Variants in TMTC1 observed in about 807,000 individuals in gnomAD.
TMTC1 encodes protein O-mannosyl-transferase TMTC1.
A neutral mutation model predicts 104.8 loss-of-function variants in TMTC1; 73 were observed. That is an observed-to-expected ratio of 0.70 (90% confidence interval 0.58 to 0.85). TMTC1 has a LOEUF of 0.85. Among genes scored for constraint, TMTC1 ranks in the 40% least tolerant of loss-of-function variants. The pLI, the probability that TMTC1 is intolerant of heterozygous loss-of-function variation, is 0.00. For synonymous variants in TMTC1, 434 were observed against 428.7 expected, an observed-to-expected ratio of 1.01 and a Z score of -0.15; for missense variants, 1,035 against 1,096.1, an observed-to-expected ratio of 0.94 and a Z score of 0.79.
Position 29,572,128 on chromosome 12 carries a change from G to C in TMTC1, c.1509C>G (p.Ile503Met), listed in dbSNP as rs1945695250. The C allele has an allele frequency of 6.2e-7, 1 of 1,613,812 alleles. No individual in the cohort carries two copies. The highest frequency in any genetic ancestry group is 8.5e-7 in the Non-Finnish European group (1 of 1,179,828). The change falls in exon 9 of 18, where the codon ATC (isoleucine) becomes ATG (methionine). Residue 503 changes from isoleucine (I) to methionine (M), a missense_variant. By Grantham distance (10) the Ile-to-Met change is conservative. Transcript: ENST00000539277. ...LKDQGRNKEA[I>M]YHYRTALKLY... ...ACTTGAGAGCTGTTCTGTAGTGGTA[G>C]ATCGCTTCCTTGTTCCGACCTTGGT... is the stretch of plus-strand genomic sequence containing the variant.
chr12:29,693,633 C>T (rs958856874), intron 5 of TMTC1, among the ~76,000 whole-genome samples: 1 of 151,878 alleles, frequency 6.6e-6, no homozygotes, highest in Non-Finnish European at 1.5e-5. Context: ...AAATGCTGTG[C>T]ACTAAAAATG....
chr12:29,765,102 C>T (rs1410788293), intron 2 of TMTC1, among the ~76,000 whole-genome samples: 2 of 152,146 alleles, frequency 1.3e-5, no homozygotes, highest in African/African-American at 4.8e-5. Flanking sequence ...ATTGGCCCAG[C>T]ATCACATATT....
intron 10 of TMTC1, among the ~76,000 whole-genome samples, chr12:29,546,760 T>C (rs960866053): frequency 1.2e-4 from 19 of 152,256 alleles, no homozygotes; most frequent in African/African-American, 4.6e-4. Flanking sequence ...TGAATCAGAC[T>C]AGTCCCAGCT....
At chr12:29,709,957 A>C (rs1941854073) in intron 5 of TMTC1, among the ~76,000 whole-genome samples, 1 of 152,132 alleles carries the variant, frequency 6.6e-6, no homozygotes, top group Non-Finnish European at 1.5e-5. Context: ...TTTGAGAGAA[A>C]ATAAAGCCGA....
At chr12:29,589,823 G>A (rs559675795) in intron 7 of TMTC1, among the ~76,000 whole-genome samples, 29 of 152,274 alleles carry the variant, frequency 1.9e-4, no homozygotes, top group East Asian at 7.7e-4. Flanking sequence ...CAGGGCATGC[G>A]GGCAAGGACA....
intron 5 of TMTC1, among the ~76,000 whole-genome samples, chr12:29,713,638 T>G (rs1289101155): frequency 6.6e-6 from 1 of 152,160 alleles, no homozygotes; most frequent in Non-Finnish European, 1.5e-5. Flanking sequence ...AAACTCACAA[T>G]GAAGTCACAA....
intron 6 of TMTC1, among the ~76,000 whole-genome samples, chr12:29,617,899 A>G (rs1177627991): frequency 1.3e-5 from 2 of 152,224 alleles, no homozygotes; most frequent in Non-Finnish European, 2.9e-5. Context: ...AGGAGCCACC[A>G]GAAGATTATA....
intron 5 of TMTC1, among the ~76,000 whole-genome samples, chr12:29,736,580 C>T (rs544186666): frequency 9.2e-5 from 14 of 152,036 alleles, no homozygotes; most frequent in Admixed American, 2.0e-4. Context: ...CCACCACGCC[C>T]GGCTAATTTT....
At chr12:29,663,534 G>A (rs1038731040) in intron 5 of TMTC1, among the ~76,000 whole-genome samples, 1 of 151,666 alleles carries the variant, frequency 6.6e-6, no homozygotes, top group Non-Finnish European at 1.5e-5. Context: ...TCTTTTTTCT[G>A]AAACAGAGTC....
intron 5 of TMTC1, chr12:29,659,788 C>T: frequency 1.1e-6 from 1 of 922,842 alleles, no homozygotes; most frequent in Non-Finnish European, 1.6e-6. Context: ...AGGATAGACC[C>T]CAATCCTCAA....
chr12:29,614,437 G>A (rs1000053684), intron 6 of TMTC1, among the ~76,000 whole-genome samples: 2 of 152,156 alleles, frequency 1.3e-5, no homozygotes, highest in South Asian at 2.1e-4. Flanking sequence ...ATGGAATAAC[G>A]CTCTTCCTTC....
At chr12:29,665,590 A>T (rs1940245798) in intron 5 of TMTC1, among the ~76,000 whole-genome samples, 1 of 152,232 alleles carries the variant, frequency 6.6e-6, no homozygotes, top group African/African-American at 2.4e-5. Context: ...TTATAAATCA[A>T]TGACCTTTGT....
intron 5 of TMTC1, chr12:29,659,841 TAATA>T (rs1323851431): frequency 1.4e-6 from 2 of 1,441,668 alleles, no homozygotes; most frequent in South Asian, 2.6e-5. Flanking sequence ...CAAAATTATC[TAATA>T]AATACCAAGT....
intron 5 of TMTC1, among the ~76,000 whole-genome samples, chr12:29,735,216 T>C (rs1223651775): frequency 6.6e-6 from 1 of 152,212 alleles, no homozygotes; most frequent in Non-Finnish European, 1.5e-5. Context: ...TTAAAGTTAT[T>C]AGATTTCCCA....
chr12:29,745,263 G>A (rs951221038), intron 5 of TMTC1, among the ~76,000 whole-genome samples: 3 of 152,056 alleles, frequency 2.0e-5, no homozygotes, highest in Non-Finnish European at 2.9e-5. Context: ...CACCAAGTGT[G>A]CCTGTAGTCC....
chr12:29,766,503 T>C (rs932655265), intron 2 of TMTC1, among the ~76,000 whole-genome samples: 3 of 152,206 alleles, frequency 2.0e-5, no homozygotes, highest in African/African-American at 4.8e-5. Flanking sequence ...AGCCCTCCTT[T>C]GGGTTTGTGA....
At position 29,689,263 on chromosome 12, in the gene TMTC1, T is replaced by G. The variant is rs546377595; in HGVS notation, c.939-55927A>C. Among the ~76,000 whole-genome samples the G allele has an allele frequency of 2.4e-4, 37 of 151,736 alleles. No individual in the cohort carries two copies. In the South Asian group the frequency reaches 6.0e-3, roughly 25 times the overall value. On this transcript the variant is annotated intron_variant, in intron 5 of 17. Coordinates refer to ENST00000539277, the MANE Select transcript of TMTC1 (RefSeq NM_001193451.2). ...AGCCATTTTGCTTAAGCCACTGGTT[T>G]TTTTTTTTTTATTTTTTGTCTTTGT... is the stretch of plus-strand genomic sequence containing the variant.
intron 5 of TMTC1, among the ~76,000 whole-genome samples, chr12:29,736,295 A>G (rs1942673215): frequency 6.6e-6 from 1 of 151,100 alleles, no homozygotes; most frequent in Non-Finnish European, 1.5e-5. Context: ...CGGAAAAAGT[A>G]TGACTCAATA....
chr12:29,510,476 A>G (rs1943802511), intron 17 of TMTC1, among the ~76,000 whole-genome samples: 1 of 152,188 alleles, frequency 6.6e-6, no homozygotes, highest in South Asian at 2.1e-4. Flanking sequence ...TATGTTTCCC[A>G]GCTAGATACT....
Sources: allele counts gnomAD v4.1 joint callset (sites outside exome capture counted in the v4.1 genomes callset), GRCh38; gene constraint gnomAD v4.1.1; transcripts MANE v1.5; gene names NCBI Gene and HGNC (gene_info 2026-07-23, HGNC 2026-07-21).